Variants in RNF24 observed in about 807,000 individuals in gnomAD.
The protein encoded by RNF24 is ring finger protein 24.
RNF24 carries 14 observed loss-of-function variants against 20.0 expected under a neutral mutation model. The observed-to-expected ratio is 0.70, with a 90% CI of 0.46 to 1.10. The LOEUF (loss-of-function observed/expected upper bound fraction) is 1.10. Ranked by LOEUF, RNF24 falls within the 50% of genes least tolerant of loss-of-function variation. The pLI, the probability that RNF24 is intolerant of heterozygous loss-of-function variation, is 0.00. For synonymous variants in RNF24, 45 were observed against 61.1 expected (o/e 0.74, Z 1.23); for missense variants, 124 against 177.6 (o/e 0.70, Z 1.71).
At chr20:3,986,634 T>G (rs930613720) in intron 1 of RNF24, among the ~76,000 whole-genome samples, 10 of 151,622 alleles carry the variant, frequency 6.6e-5, no homozygotes, top group Non-Finnish European at 1.5e-4. Context: ...CAGGCATGAG[T>G]GTGCATGCAG....
intron 2 of RNF24, among the ~76,000 whole-genome samples, chr20:3,955,831 A>G (rs2091135631): frequency 6.6e-6 from 1 of 152,200 alleles, no homozygotes; most frequent in East Asian, 1.9e-4. Context: ...TTTTCAGGGT[A>G]TAAGTCTTTC....
intron 1 of RNF24, among the ~76,000 whole-genome samples, chr20:3,967,361 T>C (rs1490877549): frequency 2.0e-5 from 3 of 152,172 alleles, no homozygotes; most frequent in African/African-American, 7.2e-5. Flanking sequence ...AAGCCTTTTT[T>C]TCCCCTTATG....
chr20:4,006,410 TACA>T (rs373703217), intron 1 of RNF24, among the ~76,000 whole-genome samples: 188 of 150,442 alleles, frequency 1.2e-3, no homozygotes, highest in African/African-American at 4.3e-3. Context: ...GAGCAAGCTT[TACA>T]ACAAGATGGA....
At chr20:4,013,397 A>C (rs1982618914) in intron 1 of RNF24, among the ~76,000 whole-genome samples, 1 of 152,270 alleles carries the variant, frequency 6.6e-6, no homozygotes, top group African/African-American at 2.4e-5. Flanking sequence ...TAAAGAAAAC[A>C]GAACCCATAC....
At position 3,998,166 on chromosome 20, in the gene RNF24, C is replaced by T. The variant is rs117741967; in HGVS notation, c.-8+17271G>A. Among the ~76,000 whole-genome samples, 812 of 152,258 alleles carry T rather than the reference C, an allele frequency of 5.3e-3. 16 individuals are homozygous for T. Among genetic ancestry groups the T allele is most frequent in the Admixed American group, 0.03 (461 of 15,302 alleles). ...CATAAGAATAAAAAATGTGGCCAGG[C>T]GTGGTGGCTCAGGCTTGTAATCCCA... On this transcript the variant is annotated intron_variant, in intron 1 of 5. Transcript: ENST00000358395.
At chr20:3,982,135 C>CTCTCTCTCTCTCTCTCTCTCTCTA (rs1555799853) in intron 1 of RNF24, among the ~76,000 whole-genome samples, 1 of 149,436 alleles carries the variant, frequency 6.7e-6, no homozygotes, top group Non-Finnish European at 1.5e-5. Context: ...CTCTCTCTCT[C>CTCTCTCTCTCTCTCTCTCTCTCTA]AATAAATAAA....
At chr20:3,942,495 C>T (rs946334108) in intron 4 of RNF24, among the ~76,000 whole-genome samples, 3 of 150,638 alleles carry the variant, frequency 2.0e-5, no homozygotes, top group East Asian at 2.0e-4. Flanking sequence ...TTTTTTGAGA[C>T]GGAGTCTTAC....
intron 1 of RNF24, among the ~76,000 whole-genome samples, chr20:4,008,336 A>G (rs1188520532): frequency 1.1e-5 from 1 of 90,466 alleles, no homozygotes; most frequent in Non-Finnish European, 2.0e-5. Flanking sequence ...TATATAATAT[A>G]TATATTATAC....
chr20:3,937,801 A>G (rs1370609141), intron 4 of RNF24, among the ~76,000 whole-genome samples: 3 of 152,144 alleles, frequency 2.0e-5, no homozygotes, highest in Non-Finnish European at 4.4e-5. Context: ...ACTCATTTTC[A>G]TGGCTGAATA....
chr20:3,933,672 C>T lies in RNF24; in HGVS notation c.*391G>A. The T allele has an allele frequency of 5.8e-6, 1 of 173,582 alleles. No homozygotes were observed. The highest frequency in any genetic ancestry group is 1.2e-5 in the Non-Finnish European group (1 of 82,658). 10.8% of individuals were successfully genotyped at this position (173,582 alleles called of 1,614,324 possible). On this transcript the variant is annotated 3_prime_UTR_variant, in exon 6 of 6. Coordinates refer to ENST00000358395, the MANE Select transcript of RNF24 (RefSeq NM_001134337.3). The stretch of plus-strand genomic sequence containing the variant: ...TTTGCTGCGACAAAGGCCTGCATGG[C>T]CTACAGAGAAACCCATCCATCCGCA...
intron 3 of RNF24, 76 bp from the exon 4 acceptor site, chr20:3,945,294 A>G (rs914603144): frequency 2.2e-5 from 31 of 1,405,162 alleles, no homozygotes; most frequent in Non-Finnish European, 2.9e-5. Flanking sequence ...ATTCTCAAAT[A>G]TTTTTCTTTT....
intron 1 of RNF24, among the ~76,000 whole-genome samples, chr20:4,004,187 A>G (rs1190141207): frequency 6.6e-6 from 1 of 152,186 alleles, no homozygotes; most frequent in Non-Finnish European, 1.5e-5. Context: ...ACTATCTCAT[A>G]AAATTCTGTC....
chr20:3,932,815 C>T lies in RNF24; in HGVS notation c.*1248G>A, dbSNP rs1302337460. 16 of 397,750 alleles carry T rather than the reference C, an allele frequency of 4.0e-5. No homozygotes were observed. Among genetic ancestry groups the T allele is most frequent in the Non-Finnish European group, 5.8e-5 (13 of 226,064 alleles). The allele number at this position is 397,750 out of a possible 1,614,324, so 24.6% of individuals were successfully genotyped here. On this transcript the variant is annotated 3_prime_UTR_variant, in exon 6 of 6. Transcript: ENST00000358395. ...CCATAGCTAATTTATACAATATTCA[C>T]AAATCTTAATGGACTTTGAGTCATT...
At chr20:3,941,891 T>C (rs1331102325) in intron 4 of RNF24, among the ~76,000 whole-genome samples, 1 of 151,974 alleles carries the variant, frequency 6.6e-6, no homozygotes, top group Non-Finnish European at 1.5e-5. Flanking sequence ...CTGGCTAACA[T>C]GGTGAAACCC....
At chr20:3,944,295 A>G (rs959876419) in intron 4 of RNF24, among the ~76,000 whole-genome samples, 1 of 152,312 alleles carries the variant, frequency 6.6e-6, no homozygotes, top group African/African-American at 2.4e-5. Context: ...AAACAGAAAC[A>G]TATCAATTCT....
intron 1 of RNF24, among the ~76,000 whole-genome samples, chr20:4,010,048 CACAAACAAACAAACAA>C (rs11468648): frequency 0.011 from 1,607 of 147,442 alleles, 28 homozygotes; most frequent in African/African-American, 0.034. Context: ...GAGACCCTGT[CACAAACAAACAAACAA>C]ACAAACAAAC....
chr20:3,994,154 C>T lies in RNF24; in HGVS notation c.-8+21283G>A, dbSNP rs183830435. ...ATTCTGAAAATGTCATGGCACTTCTCGAAACAGTATTGAATATTACAAACC... is the reference window on the plus strand; with the variant it reads ...ATTCTGAAAATGTCATGGCACTTCTTGAAACAGTATTGAATATTACAAACC... On this transcript the variant is annotated intron_variant, in intron 1 of 5. Coordinates refer to ENST00000358395, the MANE Select transcript of RNF24 (RefSeq NM_001134337.3). Among the ~76,000 whole-genome samples, 155 of 152,194 alleles carry T rather than the reference C, an allele frequency of 1.0e-3. 1 individual carries two copies. Among genetic ancestry groups the T allele is most frequent in the Non-Finnish European group, 1.2e-3 (81 of 68,012 alleles).
intron 2 of RNF24, among the ~76,000 whole-genome samples, chr20:3,956,253 TTG>T (rs755312336): frequency 4.6e-5 from 7 of 151,680 alleles, no homozygotes; most frequent in Admixed American, 2.0e-4. Flanking sequence ...CAATGTTAAG[TTG>T]TGTGTGTGTT....
intron 1 of RNF24, among the ~76,000 whole-genome samples, chr20:3,978,966 C>A (rs1351261419): frequency 6.6e-6 from 1 of 151,508 alleles, no homozygotes; most frequent in Admixed American, 6.6e-5. Context: ...ATTAGCCAGG[C>A]GCGGTGGCGT....
Sources: gnomAD v4.1 joint callset for allele counts (sites outside exome capture counted in the v4.1 genomes callset) on GRCh38, gnomAD v4.1.1 for gene constraint, MANE v1.5 for transcripts, NCBI Gene and HGNC (gene_info 2026-07-23, HGNC 2026-07-21) for gene names.